Variants in HTR6 observed in about 807,000 individuals in gnomAD.
The protein encoded by HTR6 is 5-hydroxytryptamine (serotonin) receptor 6, G protein-coupled.
Under a neutral mutation model 17.4 loss-of-function variants are expected in HTR6, and 15 were observed. The ratio of observed to expected loss-of-function variants is 0.86; its 90% CI spans 0.58 to 1.33. The LOEUF is 1.33. HTR6 is among the 40% of genes most tolerant of loss of function. HTR6 has a pLI of 0.00. For synonymous variants in HTR6, 326 were observed against 295.5 expected, an observed-to-expected ratio of 1.10 and a Z score of -1.06; for missense variants, 578 against 616.0, an observed-to-expected ratio of 0.94 and a Z score of 0.65.
At chr1:19,669,742 C>T (rs1450739459) in intron 1 of HTR6, among the ~76,000 whole-genome samples, 2 of 152,182 alleles carry the variant, frequency 1.3e-5, no homozygotes, top group East Asian at 3.9e-4. Context: ...AAAATACCAC[C>T]CACACGCTGA....
At chr1:19,668,392 C>T (rs763821354) in intron 1 of HTR6, among the ~76,000 whole-genome samples, 1 of 152,062 alleles carries the variant, frequency 6.6e-6, no homozygotes, top group African/African-American at 2.4e-5. Context: ...TGCACTGGCC[C>T]GATCATAACT....
chr1:19,667,776 C>A (rs1368034221), intron 1 of HTR6, among the ~76,000 whole-genome samples: 1 of 152,188 alleles, frequency 6.6e-6, no homozygotes, highest in Non-Finnish European at 1.5e-5. Flanking sequence ...GCCATCCAGG[C>A]CACAGTGCAC....
In HTR6 at chr1:19,679,579, A is replaced by G. The variant is rs1162737470; in HGVS notation, c.*211A>G. 1.5e-6 allele frequency: 1 copy of G among 670,886 alleles called. No homozygotes were observed. The highest frequency in any genetic ancestry group is 2.8e-5 in the East Asian group (1 of 35,420). 41.6% of individuals were successfully genotyped at this position (670,886 alleles called of 1,614,324 possible). On this transcript the variant is annotated 3_prime_UTR_variant, in exon 3 of 3. Coordinates refer to ENST00000289753, the MANE Select transcript of HTR6 (RefSeq NM_000871.3). This position sits in a 1 kb window ranked among gnomAD's most constrained non-coding sequence, Gnocchi z 4.9. ...TGACTCAGATATCGTGTTCTGAAGG[A>G]TGCTCCACTGTTGAGTGTAACTTGT...
chr1:19,679,229 C>T lies in HTR6; in HGVS notation c.1184C>T (p.Thr395Met), dbSNP rs200873870. ...GGCGGCTCCTCGGGCCTGCGGCTCA[C>T]GGCCCAGCTGCTGCTTCCTGGCGAG... is the stretch of plus-strand genomic sequence containing the variant. The part of the protein sequence containing the change: ...GSGGSSGLRL[T>M]AQLLLPGEAT... The change falls in exon 3 of 3, where the codon ACG becomes ATG. Residue 395 changes from threonine to methionine, a missense_variant. Thr to Met is a moderately conservative substitution (Grantham distance 81). Transcript: ENST00000289753. This position sits in a 1 kb window ranked among gnomAD's most constrained non-coding sequence, Gnocchi z 4.9. 89 of 1,573,006 alleles carry T rather than the reference C, an allele frequency of 5.7e-5. No homozygotes were observed. In the African/African-American group the frequency reaches 6.6e-4, roughly 12 times the overall value.
In HTR6 at chr1:19,678,999, C is replaced by T; in HGVS notation, c.954C>T (p.Ile318=). Residue 318 remains isoleucine (I), a synonymous_variant, in exon 3 of 3, where the codon ATC becomes ATT. Coordinates refer to ENST00000289753, the MANE Select transcript of HTR6 (RefSeq NM_000871.3). The part of the protein sequence containing the change: ...LGYCNSTMNP[I]IYPLFMRDFK... ...ACTGTAACAGCACCATGAACCCCAT[C>T]ATCTACCCACTCTTCATGCGGGACT... 6.2e-7 allele frequency: 1 copy of T among 1,614,170 alleles called. No homozygotes were observed. The highest frequency in any genetic ancestry group is 1.1e-5 in the South Asian group (1 of 91,090).
At chr1:19,673,447 G>A (rs995697957) in intron 1 of HTR6, among the ~76,000 whole-genome samples, 13 of 152,144 alleles carry the variant, frequency 8.5e-5, no homozygotes, top group African/African-American at 2.4e-4. Context: ...GGTGGCTCAC[G>A]CCTGTAATCC....
In HTR6 at chr1:19,666,858, G is replaced by A. The variant is rs1307905611; in HGVS notation, c.714+391G>A. Among the ~76,000 whole-genome samples, 1 of 151,974 alleles carries A rather than the reference G, an allele frequency of 6.6e-6. No individual in the cohort carries two copies. Among genetic ancestry groups the A allele is most frequent in the Non-Finnish European group, 1.5e-5 (1 of 68,022 alleles). ...GACCTGTTGGCGCTGCTCTAAACAG[G>A]TGCCATCTCCCCTGCCACTTCCTAC... On this transcript the variant is annotated intron_variant, in intron 1 of 2. Coordinates refer to ENST00000289753, the MANE Select transcript of HTR6 (RefSeq NM_000871.3). The surrounding 1 kb of genome is among the most constrained non-coding windows in gnomAD (Gnocchi z 4.5).
intron 1 of HTR6, among the ~76,000 whole-genome samples, chr1:19,670,399 A>T (rs1230502097): frequency 6.8e-6 from 1 of 148,140 alleles, no homozygotes; most frequent in African/African-American, 2.5e-5. Flanking sequence ...ACCCATTTTT[A>T]TTTATTTACT....
intron 1 of HTR6, among the ~76,000 whole-genome samples, chr1:19,672,196 A>T (rs1283064846): frequency 6.6e-6 from 1 of 150,886 alleles, no homozygotes; most frequent in Admixed American, 6.6e-5. Context: ...TCCCATCTCT[A>T]CACCTCACCT....
At chr1:19,676,963 A>T (rs971267650) in intron 1 of HTR6, among the ~76,000 whole-genome samples, 3 of 152,244 alleles carry the variant, frequency 2.0e-5, no homozygotes, top group Non-Finnish European at 1.5e-5. Flanking sequence ...ACCACTGCCC[A>T]CGGGCATTAA....
chr1:19,673,811 C>A (rs1266956494), intron 1 of HTR6, among the ~76,000 whole-genome samples: 1 of 151,840 alleles, frequency 6.6e-6, no homozygotes, highest in Non-Finnish European at 1.5e-5. Context: ...CAGCTAATCA[C>A]CTTTCACTCC....
chr1:19,670,081 C>T (rs1198954058), intron 1 of HTR6, among the ~76,000 whole-genome samples: 1 of 151,910 alleles, frequency 6.6e-6, no homozygotes, highest in Admixed American at 6.6e-5. Flanking sequence ...CCTATCTGGC[C>T]TCCTCTCCTT....
chr1:19,679,016 T>A lies in HTR6; in HGVS notation c.971T>A (p.Met324Lys), dbSNP rs765191157. 3 of 1,614,012 alleles carry A rather than the reference T, an allele frequency of 1.9e-6. No individual in the cohort carries two copies. The highest frequency in any genetic ancestry group is 2.7e-5 in the African/African-American group (2 of 74,914). The change falls in exon 3 of 3, where the codon ATG (methionine) becomes AAG (lysine). Residue 324 changes from methionine to lysine, a missense_variant. Coordinates refer to ENST00000289753, the MANE Select transcript of HTR6 (RefSeq NM_000871.3). The surrounding 1 kb of genome is among the most constrained non-coding windows in gnomAD (Gnocchi z 4.9). ...TMNPIIYPLFMRDFKRALGRF... is the reference protein window; with the variant it reads ...TMNPIIYPLFKRDFKRALGRF... ...AACCCCATCATCTACCCACTCTTCA[T>A]GCGGGACTTCAAGCGGGCGCTGGGC... is the stretch of plus-strand genomic sequence containing the variant.
rs1327321910 is a variant in HTR6, at chr1:19,679,059, A to G, written c.1014A>G (p.Pro338=). The change falls in exon 3 of 3, where the codon CCA becomes CCG. Residue 338 remains proline (P), a synonymous_variant. Coordinates refer to ENST00000289753, the MANE Select transcript of HTR6 (RefSeq NM_000871.3). The surrounding 1 kb of genome is among the most constrained non-coding windows in gnomAD (Gnocchi z 4.9). ...CGCTGGGCAGGTTCCTGCCATGTCC[A>G]CGCTGTCCCCGGGAGCGCCAGGCCA... ...KRALGRFLPC[P]RCPRERQASL... is the part of the protein sequence containing the mutation. 6.2e-7 allele frequency: 1 copy of G among 1,614,058 alleles called. No individual in the cohort carries two copies. Among genetic ancestry groups the G allele is most frequent in the African/African-American group, 1.3e-5 (1 of 75,060 alleles).
chr1:19,679,143 A>G lies in HTR6; in HGVS notation c.1098A>G (p.Leu366=). The part of the protein sequence containing the change: ...SHSGPRPGLS[L]QQVLPLPLPP... ...GCGGCCCCCGGCCCGGCCTTAGCCT[A>G]CAGCAGGTGCTGCCGCTGCCCCTGC... Residue 366 remains leucine, a synonymous_variant, in exon 3 of 3, where the codon CTA becomes CTG. Coordinates refer to ENST00000289753, the MANE Select transcript of HTR6 (RefSeq NM_000871.3). This position sits in a 1 kb window ranked among gnomAD's most constrained non-coding sequence, Gnocchi z 4.9. 6.2e-7 allele frequency: 1 copy of G among 1,608,292 alleles called. No homozygotes were observed. The highest frequency in any genetic ancestry group is 8.5e-7 in the Non-Finnish European group (1 of 1,178,516).
intron 2 of HTR6, 26 bp downstream of exon 2, chr1:19,678,751 A>T: frequency 6.3e-7 from 1 of 1,594,478 alleles, no homozygotes; most frequent in South Asian, 1.1e-5. Context: ...GGGGCAGGTG[A>T]GTCCGGCCCT....
chr1:19,669,408 C>T (rs904446462), intron 1 of HTR6, among the ~76,000 whole-genome samples: 5 of 152,188 alleles, frequency 3.3e-5, no homozygotes, highest in African/African-American at 1.2e-4. Context: ...ACTACCAGCA[C>T]CCCTGTTAGA....
Position 19,678,551 on chromosome 1 carries a change from GCCTT to G in HTR6, c.715-11_715-8del, listed in dbSNP as rs760780334. The G allele has an allele frequency of 7.3e-5, 118 of 1,612,154 alleles. No homozygotes were observed. In the East Asian group the frequency reaches 1.8e-3, roughly 25 times the overall value. On this transcript the variant is annotated splice_polypyrimidine_tract_variant and intron_variant, in intron 1 of 2. Coordinates refer to ENST00000289753, the MANE Select transcript of HTR6 (RefSeq NM_000871.3). The stretch of plus-strand genomic sequence containing the variant: ...GGCCCTTTCTCAACGGACTCATGTG[GCCTT>G]CCTTTCCGCAGGTGCCCAGGACCCC...
At chr1:19,674,375 A>G (rs940317410) in intron 1 of HTR6, among the ~76,000 whole-genome samples, 8 of 148,690 alleles carry the variant, frequency 5.4e-5, no homozygotes, top group Non-Finnish European at 1.2e-4. Context: ...TGTAGTGGGA[A>G]TTCACCGTGG....
Sources: gnomAD v4.1 joint callset for allele counts (sites outside exome capture counted in the v4.1 genomes callset) on GRCh38, gnomAD v4.1.1 for gene constraint, Gnocchi (gnomAD v3.1) non-coding constraint, MANE v1.5 for transcripts, NCBI Gene and HGNC (gene_info 2026-07-23, HGNC 2026-07-21) for gene names.